Variants in FCHSD2 observed in about 807,000 individuals in gnomAD.
The protein encoded by FCHSD2 is F-BAR and double SH3 domains protein 2.
Under a neutral mutation model 108.1 loss-of-function variants are expected in FCHSD2, and 38 were observed. That is an observed-to-expected ratio of 0.35 (90% CI 0.27 to 0.46). The LOEUF (loss-of-function observed/expected upper bound fraction) is 0.46. Ranked by LOEUF, FCHSD2 falls within the 20% of genes least tolerant of loss-of-function variation. The pLI is 1.00. For synonymous variants in FCHSD2, 279 were observed against 314.7 expected (o/e 0.89, Z 1.20); for missense variants, 751 against 897.8 (o/e 0.84, Z 2.09).
At position 72,942,327 on chromosome 11, in the gene FCHSD2, A is replaced by G. The variant is rs563309694; in HGVS notation, c.706-20377T>C. On this transcript the variant is annotated intron_variant, in intron 8 of 19. Transcript: ENST00000409418. ...GGCCTCACCAGAAGCAGATGCCAGC[A>G]GCATGCTCCCTGTACAGTCTGCAGG... Among the ~76,000 whole-genome samples, 4 of 152,372 alleles carry G rather than the reference A, an allele frequency of 2.6e-5. No homozygotes were observed. The East Asian group carries it at 7.7e-4, about 29-fold the overall frequency.
chr11:72,875,154 G>A (rs970505885), intron 12 of FCHSD2, among the ~76,000 whole-genome samples: 6 of 152,240 alleles, frequency 3.9e-5, no homozygotes, highest in African/African-American at 1.4e-4. Context: ...CAAGGACTGT[G>A]TGTAATGTAT....
intron 12 of FCHSD2, among the ~76,000 whole-genome samples, chr11:72,880,733 T>C (rs1182799883): frequency 6.6e-6 from 1 of 151,418 alleles, no homozygotes; most frequent in Non-Finnish European, 1.5e-5. Flanking sequence ...CTGGGCAACA[T>C]AGCGAAACCC....
At chr11:73,003,787 G>C (rs760275395) in intron 4 of FCHSD2, among the ~76,000 whole-genome samples, 1 of 151,350 alleles carries the variant, frequency 6.6e-6, no homozygotes, top group Non-Finnish European at 1.5e-5. Flanking sequence ...ATTTCACCAG[G>C]TTTCATATGA....
At chr11:72,913,167 G>T (rs1283903995) in intron 9 of FCHSD2, among the ~76,000 whole-genome samples, 1 of 152,136 alleles carries the variant, frequency 6.6e-6, no homozygotes, top group Non-Finnish European at 1.5e-5. Context: ...ACCTCCCACT[G>T]GCCCCTCCTC....
In FCHSD2 at chr11:73,097,145, G is replaced by A. The variant is rs117002492; in HGVS notation, c.120-13405C>T. 1.2e-3 allele frequency among the ~76,000 whole-genome samples: 186 copies of A among 150,922 alleles called. 3 individuals are homozygous for A. In the East Asian group the frequency reaches 0.032, roughly 26 times the overall value. The stretch of plus-strand genomic sequence containing the variant: ...AGCCTCCCAAATAGCTAGAACTACA[G>A]GTATGCACCACCAGGCCTGGCTGAT... On this transcript the variant is annotated intron_variant, in intron 2 of 19. Transcript: ENST00000409418.
intron 9 of FCHSD2, among the ~76,000 whole-genome samples, chr11:72,908,547 T>C (rs748124902): frequency 4.6e-5 from 7 of 152,214 alleles, no homozygotes; most frequent in Non-Finnish European, 7.4e-5. Context: ...AGCATCTGTG[T>C]TACTGCCTAT....
chr11:72,893,011 T>C (rs1337492915), intron 10 of FCHSD2, among the ~76,000 whole-genome samples: 5 of 151,908 alleles, frequency 3.3e-5, no homozygotes, highest in Non-Finnish European at 5.9e-5. Context: ...TTATTTTTAA[T>C]TTTTTGAGAC....
At chr11:72,908,197 G>A (rs779794054) in intron 9 of FCHSD2, among the ~76,000 whole-genome samples, 4 of 152,100 alleles carry the variant, frequency 2.6e-5, no homozygotes, top group African/African-American at 7.2e-5. Flanking sequence ...CTATGTTGTT[G>A]TAAATGACAG....
At chr11:73,017,653 T>C (rs1480386789) in intron 3 of FCHSD2, among the ~76,000 whole-genome samples, 2 of 152,202 alleles carry the variant, frequency 1.3e-5, no homozygotes, top group Non-Finnish European at 2.9e-5. Context: ...TCTTGTACTT[T>C]GGGAGCTCCA....
At chr11:73,104,716 G>A (rs1860300786) in intron 2 of FCHSD2, among the ~76,000 whole-genome samples, 1 of 151,828 alleles carries the variant, frequency 6.6e-6, no homozygotes, top group South Asian at 2.1e-4. Context: ...CCACAGGCAC[G>A]TGCCACCGCA....
At chr11:73,139,533 T>C (rs1378452460) in intron 2 of FCHSD2, among the ~76,000 whole-genome samples, 1 of 152,218 alleles carries the variant, frequency 6.6e-6, no homozygotes, top group African/African-American at 2.4e-5. Context: ...GTAACCTCAA[T>C]AATAAAATAA....
chr11:72,948,799 G>A (rs991749409), intron 8 of FCHSD2, among the ~76,000 whole-genome samples: 5 of 151,858 alleles, frequency 3.3e-5, no homozygotes, highest in Non-Finnish European at 7.4e-5. Context: ...CCGAGTAGCT[G>A]GGACTACAGG....
intron 8 of FCHSD2, among the ~76,000 whole-genome samples, chr11:72,958,464 G>C (rs1173536944): frequency 1.3e-5 from 2 of 152,210 alleles, no homozygotes; most frequent in South Asian, 4.1e-4. Context: ...GCTGCAGAGA[G>C]CTGAGATCGC....
rs193074617 is a variant in FCHSD2 at position 73,070,752 on chromosome 11, A to C, written c.165+12943T>G. Among the ~76,000 whole-genome samples the C allele has an allele frequency of 7.2e-5, 11 of 151,910 alleles. No homozygotes were observed. In the East Asian group the frequency reaches 2.1e-3, roughly 29 times the overall value. On this transcript the variant is annotated intron_variant, in intron 3 of 19. Transcript: ENST00000409418. ...AAATGTCAAATTAAAAAAAAAAAAG[A>C]AATTGAACAAGTTATTAAGTGAATG...
chr11:73,093,664 C>A lies in FCHSD2; in HGVS notation c.120-9924G>T, dbSNP rs557715470. ...TTGCCCAGGCTGGAGTGCAATGACGCGGTCTTGGCTCACCACAACCTCCGC... is the reference window on the plus strand; with the variant it reads ...TTGCCCAGGCTGGAGTGCAATGACGAGGTCTTGGCTCACCACAACCTCCGC... On this transcript the variant is annotated intron_variant, in intron 2 of 19. Transcript: ENST00000409418. 2.0e-5 allele frequency among the ~76,000 whole-genome samples: 3 copies of A among 152,044 alleles called. No individual in the cohort carries two copies. In the East Asian group the frequency reaches 5.9e-4, roughly 30 times the overall value.
At chr11:72,925,987 CCGGGAAGGG>C (rs1485520605) in intron 8 of FCHSD2, among the ~76,000 whole-genome samples, 1 of 152,230 alleles carries the variant, frequency 6.6e-6, no homozygotes, top group East Asian at 1.9e-4. Flanking sequence ...TGGGGGAGGG[CCGGGAAGGG>C]CCCCCTGCCC....
In FCHSD2 at chr11:73,141,967, G is replaced by A. The variant is rs1269894678; in HGVS notation, c.-90C>T. The A allele has an allele frequency of 3.2e-5, 42 of 1,321,406 alleles. No homozygotes were observed. Among genetic ancestry groups the A allele is most frequent in the Admixed American group, 4.6e-5 (2 of 43,474 alleles). The allele number at this position is 1,321,406 out of a possible 1,614,324, so 81.9% of individuals were successfully genotyped here. A position where few individuals can be genotyped will look rare whatever the true frequency, so the allele number is the denominator to read the frequency against. ...GCCGGAGAGGAGGGGACGGCCCAGC[G>A]AGCGCGCGCGTGTGTGAAAGGAGCG... On this transcript the variant is annotated 5_prime_UTR_variant, in exon 1 of 20. Coordinates refer to ENST00000409418, the MANE Select transcript of FCHSD2 (RefSeq NM_014824.3).
At chr11:73,053,398 G>A (rs556344952) in intron 3 of FCHSD2, among the ~76,000 whole-genome samples, 1 of 152,088 alleles carries the variant, frequency 6.6e-6, no homozygotes, top group East Asian at 1.9e-4. Context: ...GATAGAAAAT[G>A]AATTCTGAAA....
intron 9 of FCHSD2, among the ~76,000 whole-genome samples, chr11:72,918,627 T>A (rs1217909474): frequency 6.6e-6 from 1 of 152,270 alleles, no homozygotes; most frequent in African/African-American, 2.4e-5. Flanking sequence ...GATCATGAAG[T>A]TTTTTCCTTC....
Sources: allele counts gnomAD v4.1 joint callset (sites outside exome capture counted in the v4.1 genomes callset), GRCh38; gene constraint gnomAD v4.1.1; transcripts MANE v1.5; gene names NCBI Gene and HGNC (gene_info 2026-07-23, HGNC 2026-07-21).